The following PPP1R16B variants were observed in gnomAD, a reference collection of about 807,000 sequenced individuals.
PPP1R16B encodes the protein protein phosphatase 1 regulatory subunit 16B.
PPP1R16B carries 14 observed loss-of-function variants against 61.7 expected under a neutral mutation model. The ratio of observed to expected loss-of-function variants is 0.23; its 90% CI spans 0.15 to 0.35. The LOEUF (loss-of-function observed/expected upper bound fraction) is 0.35, where lower values mean the gene tolerates loss of function less well. Among genes scored for constraint, PPP1R16B ranks in the 10% least tolerant of loss-of-function variants. The pLI is 1.00. For missense variants in PPP1R16B, 547 were observed against 752.5 expected (o/e 0.73, Z 3.19); for synonymous variants, 266 against 305.3 (o/e 0.87, Z 1.34).
At chr20:38,915,869 C>G (rs966609077) in intron 10 of PPP1R16B, among the ~76,000 whole-genome samples, 6 of 151,904 alleles carry the variant, frequency 3.9e-5, no homozygotes, top group African/African-American at 1.5e-4. Flanking sequence ...CTTTGCCACT[C>G]TAAGCATCAG....
chr20:38,873,699 A>C (rs1233123176), intron 2 of PPP1R16B, among the ~76,000 whole-genome samples: 1 of 151,446 alleles, frequency 6.6e-6, no homozygotes, highest in African/African-American at 2.4e-5. Context: ...TTCCCAGAAC[A>C]GGTGATCCAA....
intron 4 of PPP1R16B, among the ~76,000 whole-genome samples, chr20:38,898,811 A>AAACAACAAC (rs145367321): frequency 0.029 from 4,333 of 150,174 alleles, 77 homozygotes; most frequent in East Asian, 0.059. Flanking sequence ...CCTTGTTTCA[A>AAACAACAAC]AACAACAACA....
intron 1 of PPP1R16B, among the ~76,000 whole-genome samples, chr20:38,816,779 A>G (rs989535006): frequency 1.3e-5 from 2 of 152,248 alleles, no homozygotes; most frequent in East Asian, 3.8e-4. Context: ...CAAAGCATGC[A>G]GAGTGGAAAA....
intron 1 of PPP1R16B, among the ~76,000 whole-genome samples, chr20:38,829,089 G>A (rs1404794574): frequency 6.6e-6 from 1 of 152,160 alleles, no homozygotes; most frequent in Non-Finnish European, 1.5e-5. Context: ...CACTGACTCT[G>A]TCTCTCCCTT....
chr20:38,871,666 G>A (rs1266530980), intron 2 of PPP1R16B, among the ~76,000 whole-genome samples: 1 of 128,376 alleles, frequency 7.8e-6, no homozygotes, highest in Non-Finnish European at 1.7e-5. Context: ...GGGAGGGAGG[G>A]AGGGAAGGAA....
At chr20:38,896,343 G>C (rs1235531885) in intron 4 of PPP1R16B, among the ~76,000 whole-genome samples, 4 of 141,464 alleles carry the variant, frequency 2.8e-5, no homozygotes. Context: ...CTCTCTCTCT[G>C]TCACTCTTTC....
At chr20:38,869,416 C>T (rs2085112020) in intron 2 of PPP1R16B, among the ~76,000 whole-genome samples, 1 of 152,168 alleles carries the variant, frequency 6.6e-6, no homozygotes, top group Admixed American at 6.5e-5. Context: ...ACCTCAGCCT[C>T]CCAAAGTGTT....
At chr20:38,881,125 C>T (rs528677761) in intron 2 of PPP1R16B, among the ~76,000 whole-genome samples, 1 of 152,308 alleles carries the variant, frequency 6.6e-6, no homozygotes, top group South Asian at 2.1e-4. Flanking sequence ...AGTCATCACC[C>T]AGGATCCCGG....
At chr20:38,813,909 G>T (rs2084718545) in intron 1 of PPP1R16B, among the ~76,000 whole-genome samples, 1 of 151,786 alleles carries the variant, frequency 6.6e-6, no homozygotes. Flanking sequence ...TGATTCTCCT[G>T]CCTCAGCCTC....
rs138658316 is a variant in PPP1R16B at position 38,911,301 on chromosome 20, G to A, written c.1194+3108G>A. Among the ~76,000 whole-genome samples the A allele has an allele frequency of 3.1e-3, 472 of 151,250 alleles. 1 individual carries two copies. The highest frequency in any genetic ancestry group is 5.0e-3 in the Non-Finnish European group (338 of 67,774). ...CCTGCCTCAGCCTCCCTAGTAGCTG[G>A]GACTATAGGTGCCCACCATCACGCC... is the stretch of plus-strand genomic sequence containing the variant. On this transcript the variant is annotated intron_variant, in intron 10 of 10. Coordinates refer to ENST00000299824, the MANE Select transcript of PPP1R16B (RefSeq NM_015568.4).
At chr20:38,903,572 TCCG>T (rs2085414663) in intron 6 of PPP1R16B, among the ~76,000 whole-genome samples, 1 of 75,260 alleles carries the variant, frequency 1.3e-5, no homozygotes, top group Non-Finnish European at 2.8e-5. Flanking sequence ...CATCCGTCCG[TCCG>T]TCCGTCCATC....
chr20:38,818,440 T>C (rs1381945627), intron 1 of PPP1R16B, among the ~76,000 whole-genome samples: 1 of 152,072 alleles, frequency 6.6e-6, no homozygotes, highest in Non-Finnish European at 1.5e-5. Flanking sequence ...AAGGCCCAGA[T>C]ATTGGACGGT....
chr20:38,838,779 C>T (rs2084889808), intron 2 of PPP1R16B, among the ~76,000 whole-genome samples: 1 of 152,200 alleles, frequency 6.6e-6, no homozygotes, highest in Admixed American at 6.5e-5. Context: ...ACCATCCTCC[C>T]AGCCCCCTGC....
At chr20:38,874,299 G>A (rs1344129989) in intron 2 of PPP1R16B, among the ~76,000 whole-genome samples, 2 of 152,112 alleles carry the variant, frequency 1.3e-5, no homozygotes, top group African/African-American at 4.8e-5. Context: ...ATTCCTGAGG[G>A]GTGCCTGCTG....
In PPP1R16B at chr20:38,817,027, C is replaced by T. The variant is rs75291426; in HGVS notation, c.-102+11235C>T. ...AGTCTCTTGGCCAGCCTCCTGTCCA[C>T]CCTCTCCCACGTATTGAATACCTAC... is the stretch of plus-strand genomic sequence containing the variant. On this transcript the variant is annotated intron_variant, in intron 1 of 10. Transcript: ENST00000299824. Among the ~76,000 whole-genome samples, 1,423 of 152,328 alleles carry T rather than the reference C, an allele frequency of 9.3e-3. 12 individuals are homozygous for T. Among genetic ancestry groups the T allele is most frequent in the Admixed American group, 0.019 (286 of 15,300 alleles).
chr20:38,812,757 C>A (rs2084709342), intron 1 of PPP1R16B, among the ~76,000 whole-genome samples: 1 of 152,188 alleles, frequency 6.6e-6, no homozygotes, highest in Non-Finnish European at 1.5e-5. Flanking sequence ...CTGTGCTGTT[C>A]TTCTGGGTCT....
At chr20:38,841,709 A>G (rs1234608341) in intron 2 of PPP1R16B, among the ~76,000 whole-genome samples, 2 of 152,248 alleles carry the variant, frequency 1.3e-5, no homozygotes, top group African/African-American at 4.8e-5. Flanking sequence ...GGCTTCTTTC[A>G]TTCAGAATAC....
intron 2 of PPP1R16B, among the ~76,000 whole-genome samples, chr20:38,877,475 A>AT (rs974200691): frequency 3.3e-5 from 5 of 151,384 alleles, no homozygotes; most frequent in Admixed American, 1.3e-4. Flanking sequence ...CGCCCGGCTA[A>AT]TTTTTTTTGT....
chr20:38,888,646 G>A (rs1239749209), intron 2 of PPP1R16B, among the ~76,000 whole-genome samples: 1 of 152,134 alleles, frequency 6.6e-6, no homozygotes, highest in Non-Finnish European at 1.5e-5. Flanking sequence ...AGCCAGAGCT[G>A]GGGTCCCAGT....
Sources: gnomAD v4.1 joint callset for allele counts (sites outside exome capture counted in the v4.1 genomes callset) on GRCh38, gnomAD v4.1.1 for gene constraint, MANE v1.5 for transcripts, NCBI Gene and HGNC (gene_info 2026-07-23, HGNC 2026-07-21) for gene names.